UNC13C: variants seen among roughly 807,000 people sequenced by gnomAD.
UNC13C encodes the protein unc-13 homolog C.
A neutral mutation model predicts 245.4 loss-of-function variants in UNC13C; 174 were observed. The ratio of observed to expected loss-of-function variants is 0.71; its 90% CI spans 0.63 to 0.80. The LOEUF is 0.80. Among genes scored for constraint, UNC13C ranks in the 30% least tolerant of loss-of-function variants. UNC13C has a pLI of 0.00. For synonymous variants in UNC13C, 992 were observed against 895.1 expected, an observed-to-expected ratio of 1.11 and a Z score of -1.93; for missense variants, 2,829 against 2,602.9, an observed-to-expected ratio of 1.09 and a Z score of -1.89.
chr15:54,534,084 T>C (rs1318244067), intron 26 of UNC13C, among the ~76,000 whole-genome samples: 1 of 152,226 alleles, frequency 6.6e-6, no homozygotes, highest in African/African-American at 2.4e-5. Context: ...ACTGTGCTGC[T>C]GCTGCCACCA....
chr15:53,871,974 A>C, the UNC13C span, among the ~76,000 whole-genome samples: 1 of 152,206 alleles, frequency 6.6e-6, no homozygotes, highest in Non-Finnish European at 1.5e-5. Flanking sequence ...ATGCTCCTGC[A>C]GTGTGTGTAT....
intron 26 of UNC13C, among the ~76,000 whole-genome samples, chr15:54,538,252 C>T (rs201847353): frequency 2.0e-5 from 3 of 147,676 alleles, no homozygotes; most frequent in Non-Finnish European, 3.0e-5. Flanking sequence ...AAATGCTGAA[C>T]GTCACTAATC....
chr15:54,171,374 G>T (rs1285028099), intron 4 of UNC13C, among the ~76,000 whole-genome samples: 1 of 151,980 alleles, frequency 6.6e-6, no homozygotes, highest in African/African-American at 2.4e-5. Flanking sequence ...TTAATAGCCA[G>T]AATATACAAG....
intron 4 of UNC13C, among the ~76,000 whole-genome samples, chr15:54,186,891 G>A (rs112125806): frequency 0.15 from 21,474 of 143,726 alleles, 2,101 homozygotes; most frequent in East Asian, 0.22. Flanking sequence ...CTCTGTCACC[G>A]AGGCTGGAGT....
At chr15:54,071,605 C>A (rs1356629717) in intron 2 of UNC13C, among the ~76,000 whole-genome samples, 1 of 151,954 alleles carries the variant, frequency 6.6e-6, no homozygotes, top group African/African-American at 2.4e-5. Flanking sequence ...ATGTGGCCTG[C>A]TACCTCTTTG....
At chr15:54,547,980 C>A (rs1373210866) in intron 27 of UNC13C, among the ~76,000 whole-genome samples, 1 of 151,672 alleles carries the variant, frequency 6.6e-6, no homozygotes. Flanking sequence ...TAACTTCAGC[C>A]GAAAAAGAAA....
chr15:54,341,457 T>C (rs2038727633), intron 17 of UNC13C, among the ~76,000 whole-genome samples: 1 of 152,090 alleles, frequency 6.6e-6, no homozygotes, highest in South Asian at 2.1e-4. Context: ...GCTTAAAAAC[T>C]CACTATTGGG....
the UNC13C span, among the ~76,000 whole-genome samples, chr15:53,889,405 A>G: frequency 1.3e-5 from 2 of 152,192 alleles, no homozygotes. Flanking sequence ...TTGATTTTGT[A>G]TCCTGAGACT....
At chr15:54,138,106 G>C (rs1393890284) in intron 2 of UNC13C, among the ~76,000 whole-genome samples, 2 of 151,934 alleles carry the variant, frequency 1.3e-5, no homozygotes, top group Admixed American at 6.6e-5. Context: ...ACATATTTGT[G>C]GATGTTCTAA....
chr15:53,870,101 G>A, the UNC13C span, among the ~76,000 whole-genome samples: 1 of 152,104 alleles, frequency 6.6e-6, no homozygotes, highest in Non-Finnish European at 1.5e-5. Flanking sequence ...CGCTTACAAT[G>A]TCCCTTTTAC....
intron 4 of UNC13C, among the ~76,000 whole-genome samples, chr15:54,228,525 C>T (rs75708351): frequency 0.088 from 13,351 of 152,180 alleles, 875 homozygotes; most frequent in South Asian, 0.2. Flanking sequence ...TACCTGGCTA[C>T]GGCTCCTGAT....
At chr15:54,599,189 A>G (rs1290783268) in intron 30 of UNC13C, among the ~76,000 whole-genome samples, 1 of 152,058 alleles carries the variant, frequency 6.6e-6, no homozygotes, top group Non-Finnish European at 1.5e-5. Context: ...TATCATTCCC[A>G]TCTTACCAAT....
intron 17 of UNC13C, among the ~76,000 whole-genome samples, chr15:54,387,602 TGA>T (rs2039866025): frequency 6.6e-6 from 1 of 152,154 alleles, no homozygotes; most frequent in Non-Finnish European, 1.5e-5. Context: ...TCAAAACTAA[TGA>T]GAGAGGGCCC....
chr15:54,406,887 T>C (rs2040305421), intron 18 of UNC13C, among the ~76,000 whole-genome samples: 1 of 152,080 alleles, frequency 6.6e-6, no homozygotes, highest in South Asian at 2.1e-4. Context: ...GGTTATTATC[T>C]CATAGAAATT....
intron 1 of UNC13C, among the ~76,000 whole-genome samples, chr15:54,007,824 G>C (rs181184614): frequency 5.8e-4 from 89 of 152,260 alleles, no homozygotes; most frequent in African/African-American, 2.0e-3. Context: ...CAGGAATACA[G>C]ATCAGAATAA....
intron 4 of UNC13C, among the ~76,000 whole-genome samples, chr15:54,176,955 T>G (rs1054808934): frequency 2.0e-5 from 3 of 152,014 alleles, no homozygotes; most frequent in African/African-American, 7.2e-5. Flanking sequence ...GGAACACCAG[T>G]AGCATTGAGA....
chr15:54,101,800 G>T (rs933691343), intron 2 of UNC13C, among the ~76,000 whole-genome samples: 3 of 151,876 alleles, frequency 2.0e-5, no homozygotes, highest in Admixed American at 1.3e-4. Context: ...TGGTCAGGCT[G>T]GTCTCGAACT....
intron 17 of UNC13C, among the ~76,000 whole-genome samples, chr15:54,350,073 G>A (rs934295279): frequency 3.3e-5 from 5 of 151,888 alleles, no homozygotes; most frequent in African/African-American, 1.2e-4. Context: ...CTCACTGCAA[G>A]CTCCGCCTCC....
At chr15:54,177,518 G>T (rs2141295746) in intron 4 of UNC13C, among the ~76,000 whole-genome samples, 2 of 152,216 alleles carry the variant, frequency 1.3e-5, no homozygotes, top group African/African-American at 4.8e-5. Flanking sequence ...TCTTCACTAA[G>T]AGGTTAAAGA....
Sources: gnomAD v4.1 joint callset for allele counts (sites outside exome capture counted in the v4.1 genomes callset) on GRCh38, gnomAD v4.1.1 for gene constraint, MANE v1.5 for transcripts, NCBI Gene and HGNC (gene_info 2026-07-23, HGNC 2026-07-21) for gene names.